The following RBFOX3 variants were observed in gnomAD, a reference collection of about 807,000 sequenced individuals.
RBFOX3 encodes RNA binding protein fox-1 homolog 3.
Under a neutral mutation model 48.7 loss-of-function variants are expected in RBFOX3, and 17 were observed. The observed-to-expected ratio is 0.35, with a 90% CI of 0.24 to 0.52. The LOEUF (loss-of-function observed/expected upper bound fraction) is 0.52. Ranked by LOEUF, RBFOX3 falls within the 20% of genes least tolerant of loss-of-function variation. The probability of loss-of-function intolerance (pLI) is 0.94; values close to 1 mark genes in which losing one functional copy is unlikely to be tolerated. For synonymous variants in RBFOX3, 212 were observed against 209.5 expected, an observed-to-expected ratio of 1.01 and a Z score of -0.10; for missense variants, 382 against 497.5, an observed-to-expected ratio of 0.77 and a Z score of 2.21.
intron 3 of RBFOX3, among the ~76,000 whole-genome samples, chr17:79,246,008 G>C (rs1488805171): frequency 3.3e-5 from 5 of 151,446 alleles, no homozygotes; most frequent in African/African-American, 1.2e-4. Flanking sequence ...TCAGCCACGA[G>C]CATGTCAGAA....
In RBFOX3 at chr17:79,117,557, C is replaced by T. The variant is rs375407551; in HGVS notation, c.-33-1809G>A. 1.9e-3 allele frequency among the ~76,000 whole-genome samples: 287 copies of T among 152,326 alleles called. 2 individuals are homozygous for T. Among genetic ancestry groups the T allele is most frequent in the African/African-American group, 6.4e-3 (267 of 41,572 alleles). ...TCCACACCCACACATCCCCCTCTGC[C>T]GGGCTCCTGTGTTCTCGGCCTCTGG... On this transcript the variant is annotated intron_variant, in intron 4 of 14. Coordinates refer to ENST00000693108, the MANE Select transcript of RBFOX3 (RefSeq NM_001350451.2).
chr17:79,347,368 G>A (rs113048126), intron 2 of RBFOX3, among the ~76,000 whole-genome samples: 3 of 151,810 alleles, frequency 2.0e-5, no homozygotes, highest in Admixed American at 6.6e-5. Flanking sequence ...CTTCAACCTG[G>A]GCTCTTTCAT....
chr17:79,642,394 T>TA, the RBFOX3 span, among the ~76,000 whole-genome samples: 1 of 152,224 alleles, frequency 6.6e-6, no homozygotes. Flanking sequence ...TGTGAAGTGA[T>TA]AGGCATGTTA....
chr17:79,261,277 A>AG (rs1438990742), intron 3 of RBFOX3, among the ~76,000 whole-genome samples: 1 of 152,230 alleles, frequency 6.6e-6, no homozygotes, highest in Admixed American at 6.5e-5. Flanking sequence ...AGCCCAGGAC[A>AG]GGGCCTGGCA....
chr17:79,657,139 G>C, the RBFOX3 span, among the ~76,000 whole-genome samples: 1 of 152,258 alleles, frequency 6.6e-6, no homozygotes, highest in African/African-American at 2.4e-5. Flanking sequence ...TGGAAGAGGA[G>C]AAGAATGAGG....
chr17:79,293,411 CCTTCCTT>C (rs2073742329), intron 3 of RBFOX3, among the ~76,000 whole-genome samples: 3 of 3,332 alleles, frequency 9.0e-4, no homozygotes, highest in Non-Finnish European at 5.3e-4. Context: ...CCCCTCCACC[CCTTCCTT>C]CCTTCCTTCC....
At chr17:79,325,211 G>T (rs748536342) in intron 2 of RBFOX3, among the ~76,000 whole-genome samples, 1 of 152,202 alleles carries the variant, frequency 6.6e-6, no homozygotes, top group Non-Finnish European at 1.5e-5. Flanking sequence ...GCAGGGAGCT[G>T]CCCCCTTTGC....
At chr17:79,488,446 G>A (rs2079988227) in intron 1 of RBFOX3, among the ~76,000 whole-genome samples, 2 of 152,178 alleles carry the variant, frequency 1.3e-5, no homozygotes, top group South Asian at 2.1e-4. Context: ...TGCAGGACTT[G>A]AATTCTGAGG....
chr17:79,213,112 C>G (rs1042701948), intron 4 of RBFOX3, among the ~76,000 whole-genome samples: 1 of 152,180 alleles, frequency 6.6e-6, no homozygotes, highest in Non-Finnish European at 1.5e-5. Flanking sequence ...CCGCCTTGGC[C>G]TCTCAAAGTG....
chr17:79,498,459 A>G lies in RBFOX3; in HGVS notation c.-319-15861T>C, dbSNP rs189433921. Among the ~76,000 whole-genome samples the G allele has an allele frequency of 6.4e-3, 331 of 52,084 alleles. 2 individuals are homozygous for G. Among genetic ancestry groups the G allele is most frequent in the Non-Finnish European group, 8.9e-3 (231 of 26,018 alleles). 34.2% of individuals were successfully genotyped at this position (52,084 alleles called of 152,430 possible). A position where few individuals can be genotyped will look rare whatever the true frequency, so the allele number is the denominator to read the frequency against. ...CATCCTTCCACCCACCCATCCATCT[A>G]CCCATTCACTCATCCATCCATCCAT... On this transcript the variant is annotated intron_variant, in intron 1 of 14. Coordinates refer to ENST00000693108, the MANE Select transcript of RBFOX3 (RefSeq NM_001350451.2).
At chr17:79,420,890 C>T (rs904334691) in intron 2 of RBFOX3, among the ~76,000 whole-genome samples, 5 of 152,196 alleles carry the variant, frequency 3.3e-5, no homozygotes, top group Admixed American at 2.6e-4. Context: ...TGGGGTCTCA[C>T]GGGATCAGCT....
At chr17:79,280,883 C>T (rs1318749806) in intron 3 of RBFOX3, among the ~76,000 whole-genome samples, 1 of 151,608 alleles carries the variant, frequency 6.6e-6, no homozygotes, top group Non-Finnish European at 1.5e-5. Flanking sequence ...ATGTGGGGCA[C>T]AGCTCTGCCA....
the RBFOX3 span, among the ~76,000 whole-genome samples, chr17:79,655,313 C>T: frequency 1.3e-5 from 2 of 152,182 alleles, no homozygotes; most frequent in Non-Finnish European, 2.9e-5. Flanking sequence ...CCTGGACTCC[C>T]TGACCAGGTG....
chr17:79,092,370 C>T (rs1014008890), intron 14 of RBFOX3: 2 of 985,516 alleles, frequency 2.0e-6, no homozygotes, highest in African/African-American at 3.5e-5. Context: ...TGCAGACATA[C>T]AGGAAAAACC....
At chr17:79,581,116 C>T (rs939399751) in intron 1 of RBFOX3, among the ~76,000 whole-genome samples, 6 of 152,094 alleles carry the variant, frequency 3.9e-5, no homozygotes, top group Non-Finnish European at 7.4e-5. Flanking sequence ...GGCATGGTGG[C>T]GGGCGCCTGT....
At chr17:79,656,677 G>A in the RBFOX3 span, among the ~76,000 whole-genome samples, 2,061 of 55,884 alleles carry the variant, frequency 0.037, 35 homozygotes, top group Middle Eastern at 0.074. Flanking sequence ...AGGAAAGAAG[G>A]AAGGAGGGAA....
chr17:79,160,492 A>C (rs532377343), intron 4 of RBFOX3, among the ~76,000 whole-genome samples: 1 of 152,322 alleles, frequency 6.6e-6, no homozygotes, highest in Non-Finnish European at 1.5e-5. Context: ...TGGGGCGGTC[A>C]CAAGCCTGCA....
At chr17:79,513,762 G>C (rs1406485517) in intron 1 of RBFOX3, among the ~76,000 whole-genome samples, 1 of 152,202 alleles carries the variant, frequency 6.6e-6, no homozygotes, top group African/African-American at 2.4e-5. Context: ...TACAGGCGCT[G>C]GGCACTTCAC....
intron 2 of RBFOX3, among the ~76,000 whole-genome samples, chr17:79,465,045 C>T (rs1379495931): frequency 2.0e-5 from 3 of 152,250 alleles, no homozygotes; most frequent in Non-Finnish European, 4.4e-5. Flanking sequence ...TGAGCTCAGC[C>T]TTCCGAAGGC....
Sources: allele counts gnomAD v4.1 joint callset (sites outside exome capture counted in the v4.1 genomes callset), GRCh38; gene constraint gnomAD v4.1.1; transcripts MANE v1.5; gene names NCBI Gene and HGNC (gene_info 2026-07-23, HGNC 2026-07-21).